Variants in KIAA0930 observed in about 807,000 individuals in gnomAD.
The protein encoded by KIAA0930 is uncharacterized protein KIAA0930.
Under a neutral mutation model 43.9 loss-of-function variants are expected in KIAA0930, and 24 were observed. That is an observed-to-expected ratio of 0.55 (90% CI 0.40 to 0.77). The LOEUF (loss-of-function observed/expected upper bound fraction) is 0.77, where lower values mean the gene tolerates loss of function less well. KIAA0930 is among the 30% of genes least tolerant of loss of function. The pLI is 0.00. For synonymous variants in KIAA0930, 259 were observed against 216.4 expected (o/e 1.20, Z -1.73); for missense variants, 461 against 574.2 (o/e 0.80, Z 2.02).
chr22:45,213,312 G>A, intron 1 of KIAA0930: 3 of 1,303,332 alleles, frequency 2.3e-6, no homozygotes, highest in Non-Finnish European at 3.0e-6. Flanking sequence ...CCAACAGTGT[G>A]TTGCTCACCC....
At chr22:45,228,817 C>T (rs1190723788) in intron 1 of KIAA0930, among the ~76,000 whole-genome samples, 1 of 116,212 alleles carries the variant, frequency 8.6e-6, no homozygotes, top group African/African-American at 3.9e-5. Context: ...TCCCTCTCCA[C>T]CCCCGCCATC....
At chr22:45,221,346 T>G (rs1294902398) in intron 1 of KIAA0930, among the ~76,000 whole-genome samples, 1 of 152,166 alleles carries the variant, frequency 6.6e-6, no homozygotes, top group Non-Finnish European at 1.5e-5. Flanking sequence ...CGTAAAGAAA[T>G]GGCATGCCAT....
intron 2 of KIAA0930, 133 bp from the exon 3 acceptor site, chr22:45,206,045 T>C (rs2083635368): frequency 2.1e-6 from 3 of 1,460,144 alleles, no homozygotes; most frequent in Non-Finnish European, 2.8e-6. Context: ...AGACAGGGTC[T>C]CACACCGCTG....
At chr22:45,211,623 G>C (rs916359938) in intron 2 of KIAA0930, among the ~76,000 whole-genome samples, 2 of 152,174 alleles carry the variant, frequency 1.3e-5, no homozygotes, top group Non-Finnish European at 2.9e-5. Flanking sequence ...TCTGGAGTCC[G>C]ACCTTTGCTC....
rs529099235 is a variant in KIAA0930 at position 45,230,830 on chromosome 22, T to G, written c.64+9810A>C. ...CTCCTGACCTTGTGATCCACCCACCTTGGCCTCCCAAAGTGCTGGGATTAC... is the reference window on the plus strand; with the variant it reads ...CTCCTGACCTTGTGATCCACCCACCGTGGCCTCCCAAAGTGCTGGGATTAC... On this transcript the variant is annotated intron_variant, in intron 1 of 9. Transcript: ENST00000336156. Among the ~76,000 whole-genome samples the G allele has an allele frequency of 2.7e-3, 406 of 151,438 alleles. 1 individual carries two copies. Among genetic ancestry groups the G allele is most frequent in the African/African-American group, 9.3e-3 (383 of 41,368 alleles).
At chr22:45,199,292 C>T (rs1267771740) in intron 8 of KIAA0930, among the ~76,000 whole-genome samples, 1 of 152,164 alleles carries the variant, frequency 6.6e-6, no homozygotes, top group Non-Finnish European at 1.5e-5. Context: ...CAGACTGTGC[C>T]TGGGCAGGAC....
In KIAA0930 at chr22:45,207,903, G is replaced by T. The variant is rs190530727; in HGVS notation, c.217-1991C>A. 419 of 169,004 alleles carry T rather than the reference G, an allele frequency of 2.5e-3. 2 individuals are homozygous for T. The highest frequency in any genetic ancestry group is 9.5e-3 in the African/African-American group (397 of 41,638). 10.5% of individuals were successfully genotyped at this position (169,004 alleles called of 1,614,324 possible). Reference sequence around the variant, plus strand: ...CGAGCCCCTGAGCTGAGAGTCCTGGGGTTCACAAGACTCTGCTGTTCCTCC... The same window carrying T: ...CGAGCCCCTGAGCTGAGAGTCCTGGTGTTCACAAGACTCTGCTGTTCCTCC... On this transcript the variant is annotated intron_variant, in intron 2 of 9. Coordinates refer to ENST00000336156, the MANE Select transcript of KIAA0930 (RefSeq NM_001009880.2).
chr22:45,220,632 A>G (rs1238830666), intron 1 of KIAA0930, among the ~76,000 whole-genome samples: 1 of 152,070 alleles, frequency 6.6e-6, no homozygotes, highest in African/African-American at 2.4e-5. Flanking sequence ...CCCAGGCTGG[A>G]GCACAGTGCT....
At chr22:45,237,603 A>G (rs2083894976) in intron 1 of KIAA0930, among the ~76,000 whole-genome samples, 1 of 152,234 alleles carries the variant, frequency 6.6e-6, no homozygotes, top group African/African-American at 2.4e-5. Context: ...TGACACCTTC[A>G]AAACAACGTC....
At chr22:45,209,103 G>A (rs1030524893) in intron 2 of KIAA0930, among the ~76,000 whole-genome samples, 4 of 152,204 alleles carry the variant, frequency 2.6e-5, no homozygotes, top group African/African-American at 7.2e-5. Flanking sequence ...TGGAGCACTC[G>A]GGGTTCCTGG....
At chr22:45,200,074 AG>A in intron 7 of KIAA0930, 39 bp from the exon 8 acceptor site, 1 of 1,549,692 alleles carries the variant, frequency 6.5e-7, no homozygotes, top group Non-Finnish European at 8.7e-7. Context: ...GTAGCAGAAC[AG>A]CCCCCTCCCC....
chr22:45,208,087 T>G (rs1427382023), intron 2 of KIAA0930, among the ~76,000 whole-genome samples: 2 of 152,112 alleles, frequency 1.3e-5, no homozygotes, highest in Non-Finnish European at 2.9e-5. Context: ...GGTGTCCGTG[T>G]GCGCACCAAA....
At chr22:45,210,588 A>AG (rs2083683766) in intron 2 of KIAA0930, among the ~76,000 whole-genome samples, 1 of 152,178 alleles carries the variant, frequency 6.6e-6, no homozygotes, top group Non-Finnish European at 1.5e-5. Flanking sequence ...ATGGTAAACC[A>AG]GGGAAAAACA....
chr22:45,199,522 C>T (rs558928818), intron 8 of KIAA0930, among the ~76,000 whole-genome samples: 7 of 152,312 alleles, frequency 4.6e-5, no homozygotes, highest in South Asian at 2.1e-4. Context: ...CGCCACACCC[C>T]GTGTGTGCGG....
intron 2 of KIAA0930, among the ~76,000 whole-genome samples, chr22:45,210,853 G>A (rs1004646897): frequency 2.9e-5 from 2 of 67,986 alleles, no homozygotes; most frequent in African/African-American, 1.3e-4. Flanking sequence ...CGCCAAGGCC[G>A]CCACCCCTCC....
In KIAA0930 at chr22:45,193,952, G is replaced by A. The variant is rs1399069422; in HGVS notation, c.*3224C>T. The stretch of plus-strand genomic sequence containing the variant: ...AACTTTCTTTTTAATGTTCTAAAAA[G>A]TGACACCTAGGTTTCCTCAACAGAA... On this transcript the variant is annotated 3_prime_UTR_variant, in exon 10 of 10. Transcript: ENST00000336156. 2 of 146,542 alleles carry A rather than the reference G, an allele frequency of 1.4e-5. No homozygotes were observed. Among genetic ancestry groups the A allele is most frequent in the Non-Finnish European group, 3.0e-5 (2 of 66,910 alleles). The allele number at this position is 146,542 out of a possible 1,614,324, so 9.1% of individuals were successfully genotyped here.
At chr22:45,221,662 T>C (rs2083768531) in intron 1 of KIAA0930, among the ~76,000 whole-genome samples, 1 of 152,256 alleles carries the variant, frequency 6.6e-6, no homozygotes, top group Non-Finnish European at 1.5e-5. Flanking sequence ...AGTACATGAC[T>C]GGACAGATCA....
At chr22:45,220,316 G>A (rs1406697565) in intron 1 of KIAA0930, among the ~76,000 whole-genome samples, 2 of 151,968 alleles carry the variant, frequency 1.3e-5, no homozygotes, top group Non-Finnish European at 2.9e-5. Flanking sequence ...TTAGCCGGGT[G>A]CGGTGGCAGG....
chr22:45,213,581 C>A, intron 1 of KIAA0930: 1 of 882,178 alleles, frequency 1.1e-6, no homozygotes, highest in South Asian at 2.1e-5. Context: ...CTACTACAGA[C>A]CCTTGCAAAA....
Sources: allele counts gnomAD v4.1 joint callset (sites outside exome capture counted in the v4.1 genomes callset), GRCh38; gene constraint gnomAD v4.1.1; transcripts MANE v1.5; gene names NCBI Gene and HGNC (gene_info 2026-07-23, HGNC 2026-07-21).